Variants in PLA2R1 observed in about 807,000 individuals in gnomAD.
PLA2R1 encodes the protein phospholipase A2 receptor 1.
Under a neutral mutation model 195.9 loss-of-function variants are expected in PLA2R1, and 158 were observed. The observed-to-expected ratio is 0.81, with a 90% CI of 0.71 to 0.92. The LOEUF is 0.92. Among genes scored for constraint, PLA2R1 ranks in the 40% least tolerant of loss-of-function variants. The probability of loss-of-function intolerance (pLI) is 0.00; values close to 1 mark genes in which losing one functional copy is unlikely to be tolerated. For missense variants in PLA2R1, 1,626 were observed against 1,764.6 expected (o/e 0.92, Z 1.41); for synonymous variants, 586 against 598.2 (o/e 0.98, Z 0.30).
At chr2:160,028,147 T>C in intron 6 of PLA2R1, 71 bp downstream of exon 6, 1 of 1,016,484 alleles carries the variant, frequency 9.8e-7, no homozygotes, top group Non-Finnish European at 1.5e-6. Context: ...TAGCAAAAAA[T>C]AGAGAAATTT....
intron 13 of PLA2R1, among the ~76,000 whole-genome samples, chr2:159,982,509 C>T (rs1334775268): frequency 6.6e-6 from 1 of 152,180 alleles, no homozygotes; most frequent in East Asian, 1.9e-4. Flanking sequence ...CCTTCTAGAA[C>T]CCTTTACGAT....
intron 1 of PLA2R1, among the ~76,000 whole-genome samples, chr2:160,053,424 C>G (rs1194107569): frequency 6.6e-6 from 1 of 151,938 alleles, no homozygotes; most frequent in African/African-American, 2.4e-5. Flanking sequence ...TTTGCAGGGT[C>G]CAGGGTGCAA....
Position 159,976,804 on chromosome 2 carries a change from T to C in PLA2R1, c.2402-84A>G, listed in dbSNP as rs919410119. On this transcript the variant is annotated intron_variant, in intron 15 of 29. Coordinates refer to ENST00000283243, the MANE Select transcript of PLA2R1 (RefSeq NM_007366.5). Reference sequence around the variant, plus strand: ...AATTACTTCAGCTCTAAACACACTATTTTGTCCTTCATCTTTTAAAACATC... The same window carrying C: ...AATTACTTCAGCTCTAAACACACTACTTTGTCCTTCATCTTTTAAAACATC... The C allele has an allele frequency of 1.1e-4, 106 of 998,648 alleles. No homozygotes were observed. In the South Asian group the frequency reaches 1.2e-3, roughly 12 times the overall value. The allele number at this position is 998,648 out of a possible 1,614,324, so 61.9% of individuals were successfully genotyped here.
At chr2:159,947,265 C>T (rs1308055152) in intron 26 of PLA2R1, among the ~76,000 whole-genome samples, 154 bp downstream of exon 26, 1 of 152,138 alleles carries the variant, frequency 6.6e-6, no homozygotes, top group Non-Finnish European at 1.5e-5. Flanking sequence ...GTCCTCCAAA[C>T]AAGCAATTTC....
At chr2:160,005,542 T>C in intron 11 of PLA2R1, 110 bp downstream of exon 11, 1 of 778,722 alleles carries the variant, frequency 1.3e-6, no homozygotes, top group Non-Finnish European at 2.1e-6. Flanking sequence ...GTAATTGATT[T>C]AGGCATTAAG....
At chr2:159,965,347 G>C (rs1387858739) in intron 20 of PLA2R1, among the ~76,000 whole-genome samples, 1 of 152,074 alleles carries the variant, frequency 6.6e-6, no homozygotes, top group Non-Finnish European at 1.5e-5. Flanking sequence ...TCTTTTTACT[G>C]TCTCTCTAGT....
At chr2:160,019,816 T>C (rs1016637216) in intron 8 of PLA2R1, among the ~76,000 whole-genome samples, 2 of 152,218 alleles carry the variant, frequency 1.3e-5, no homozygotes, top group African/African-American at 4.8e-5. Flanking sequence ...TGAGAGTTTT[T>C]TTTTAAGTCC....
chr2:159,969,282 C>G lies in PLA2R1; in HGVS notation c.2738G>C (p.Arg913Thr), dbSNP rs1319837343. ...TGTTATAGAAGAAATAAAGCCACAT[C>G]TCTGGCTCTGATTATTCACAGTTCT... Reference protein sequence around the residue: ...RERTVNNQSQRCGFISSITGL... With the variant: ...RERTVNNQSQTCGFISSITGL... The change falls in exon 19 of 30, where the codon AGA becomes ACA. Residue 913 changes from arginine (R) to threonine (T), a missense_variant. By Grantham distance (71) the Arg-to-Thr change is moderately conservative. Transcript: ENST00000283243. 1 of 1,601,564 alleles carries G rather than the reference C, an allele frequency of 6.2e-7. No individual in the cohort carries two copies. The highest frequency in any genetic ancestry group is 1.7e-5 in the Admixed American group (1 of 59,916).
chr2:160,016,702 C>T lies in PLA2R1; in HGVS notation c.1463G>A (p.Trp488Ter), dbSNP rs1692794986. 6.4e-7 allele frequency: 1 copy of T among 1,566,272 alleles called. No homozygotes were observed. Among genetic ancestry groups the T allele is most frequent in the Non-Finnish European group, 8.8e-7 (1 of 1,136,554 alleles). Residue 488 changes from tryptophan (W) to a stop codon, truncating the protein, a stop_gained, in exon 9 of 30, where the codon TGG becomes TAG. Transcript: ENST00000283243. LOFTEE classifies it high-confidence loss of function. ...TCTTTCTTCACAATTTTTGACTTTC[C>T]AGTGTCCCTCCTACGGAGAAAAATG... is the stretch of plus-strand genomic sequence containing the variant. ...CVSAEQSEGH[W>*]KVKNCEERLF...
intron 1 of PLA2R1, among the ~76,000 whole-genome samples, chr2:160,054,076 C>T (rs1695389742): frequency 1.3e-5 from 2 of 152,172 alleles, no homozygotes; most frequent in African/African-American, 4.8e-5. Flanking sequence ...GCACTTCTTT[C>T]AGGGCAGAAC....
chr2:160,000,404 G>A (rs963074404), intron 11 of PLA2R1, among the ~76,000 whole-genome samples: 3 of 152,180 alleles, frequency 2.0e-5, no homozygotes, highest in Non-Finnish European at 4.4e-5. Flanking sequence ...GAAAACCTCA[G>A]TCAGAGCTTT....
rs111989842 is a variant in PLA2R1, at chr2:159,974,277, A to G, written c.2595+1791T>C. Among the ~76,000 whole-genome samples the G allele has an allele frequency of 3.9e-3, 600 of 152,220 alleles. 2 individuals are homozygous for G. Among genetic ancestry groups the G allele is most frequent in the African/African-American group, 0.014 (562 of 41,552 alleles). On this transcript the variant is annotated intron_variant, in intron 17 of 29. Coordinates refer to ENST00000283243, the MANE Select transcript of PLA2R1 (RefSeq NM_007366.5). Reference sequence around the variant, plus strand: ...GTAGGGTTTTTAAATGACTGGATAAATAAGATGGCCTGGGTTTCTTTCCAA... The same window carrying G: ...GTAGGGTTTTTAAATGACTGGATAAGTAAGATGGCCTGGGTTTCTTTCCAA...
At chr2:160,058,929 A>T (rs754984784) in intron 1 of PLA2R1, among the ~76,000 whole-genome samples, 1 of 152,218 alleles carries the variant, frequency 6.6e-6, no homozygotes, top group Non-Finnish European at 1.5e-5. Context: ...TGTAATATAT[A>T]ATGAAGTAAT....
chr2:159,962,970 C>G (rs547858234), intron 20 of PLA2R1, among the ~76,000 whole-genome samples: 7 of 151,988 alleles, frequency 4.6e-5, no homozygotes, highest in Non-Finnish European at 8.8e-5. Context: ...CACCATGGCA[C>G]GTGTATATCT....
intron 11 of PLA2R1, among the ~76,000 whole-genome samples, chr2:159,996,804 C>G (rs1691243190): frequency 6.6e-6 from 1 of 152,002 alleles, no homozygotes. Context: ...TCATCTGTGC[C>G]CAGTCTACTA....
intron 1 of PLA2R1, among the ~76,000 whole-genome samples, chr2:160,050,069 T>C (rs907295551): frequency 6.6e-6 from 1 of 152,122 alleles, no homozygotes; most frequent in Non-Finnish European, 1.5e-5. Flanking sequence ...CATTTCCCTA[T>C]GCAACAAACC....
chr2:160,056,411 AC>A (rs1352426546), intron 1 of PLA2R1, among the ~76,000 whole-genome samples: 4 of 151,902 alleles, frequency 2.6e-5, no homozygotes, highest in African/African-American at 9.7e-5. Context: ...TGCTGTGAGG[AC>A]CTTCTTTTGC....
rs1199402381 is a variant in PLA2R1 at position 159,935,735 on chromosome 2, A to T, written c.*6043T>A. 6.6e-6 allele frequency: 1 copy of T among 152,112 alleles called. No homozygotes were observed. The highest frequency in any genetic ancestry group is 1.5e-5 in the Non-Finnish European group (1 of 68,028). 9.4% of individuals were successfully genotyped at this position (152,112 alleles called of 1,614,324 possible). A position where few individuals can be genotyped will look rare whatever the true frequency, so the allele number is the denominator to read the frequency against. The stretch of plus-strand genomic sequence containing the variant: ...AAGAAGCCTAAGTTCCTTTGACTGG[A>T]GATACTACAACAATTTGAATTCTAT... On this transcript the variant is annotated 3_prime_UTR_variant, in exon 30 of 30. Transcript: ENST00000283243.
At chr2:159,996,190 T>C (rs1691198564) in intron 11 of PLA2R1, among the ~76,000 whole-genome samples, 1 of 152,146 alleles carries the variant, frequency 6.6e-6, no homozygotes, top group Non-Finnish European at 1.5e-5. Flanking sequence ...AAGAACTTCT[T>C]TGAATATTTC....
Sources: gnomAD v4.1 joint callset for allele counts (sites outside exome capture counted in the v4.1 genomes callset) on GRCh38, gnomAD v4.1.1 for gene constraint, MANE v1.5 for transcripts, NCBI Gene and HGNC (gene_info 2026-07-23, HGNC 2026-07-21) for gene names.